WWTR1: variants seen among roughly 807,000 people sequenced by gnomAD.
WWTR1 encodes the protein WW domain-containing transcription regulator protein 1.
A neutral mutation model predicts 40.1 loss-of-function variants in WWTR1; 13 were observed. The ratio of observed to expected loss-of-function variants is 0.32; its 90% CI spans 0.21 to 0.52. The LOEUF is 0.52. Among genes scored for constraint, WWTR1 ranks in the 20% least tolerant of loss-of-function variants. The pLI, the probability that WWTR1 is intolerant of heterozygous loss-of-function variation, is 0.97. For synonymous variants in WWTR1, 230 were observed against 210.1 expected, an observed-to-expected ratio of 1.09 and a Z score of -0.82; for missense variants, 436 against 523.1, an observed-to-expected ratio of 0.83 and a Z score of 1.63.
intron 3 of WWTR1, among the ~76,000 whole-genome samples, chr3:149,557,960 G>A (rs184525321): frequency 2.8e-5 from 4 of 145,094 alleles, no homozygotes; most frequent in Admixed American, 1.4e-4. Flanking sequence ...CGGAGATCAC[G>A]CCATTGCACT....
chr3:149,549,431 G>A (rs1576552341), intron 3 of WWTR1, among the ~76,000 whole-genome samples: 1 of 152,138 alleles, frequency 6.6e-6, no homozygotes, highest in East Asian at 1.9e-4. Flanking sequence ...TCAATAGAAA[G>A]GCATCTTACA....
At chr3:149,631,631 C>T (rs1349957015) in intron 2 of WWTR1, among the ~76,000 whole-genome samples, 1 of 152,178 alleles carries the variant, frequency 6.6e-6, no homozygotes. Flanking sequence ...GCCTATCCCA[C>T]AAAGAATGAA....
intron 2 of WWTR1, among the ~76,000 whole-genome samples, chr3:149,668,613 A>AAAAAAAAAAAAAAAAC (rs548038608): frequency 1.4e-5 from 2 of 147,600 alleles, no homozygotes; most frequent in Non-Finnish European, 3.0e-5. Flanking sequence ...GTCTCAAAAA[A>AAAAAAAAAAAAAAAAC]AACAACAAAA....
intron 4 of WWTR1, among the ~76,000 whole-genome samples, chr3:149,535,840 C>T (rs533741110): frequency 8.5e-5 from 13 of 152,192 alleles, no homozygotes; most frequent in African/African-American, 2.9e-4. Context: ...TGGCAAAACC[C>T]CGTCTCTACT....
intron 4 of WWTR1, among the ~76,000 whole-genome samples, chr3:149,721,930 G>T (rs957262006): frequency 5.3e-5 from 8 of 152,102 alleles, no homozygotes; most frequent in Admixed American, 4.6e-4. Flanking sequence ...TTAGCTACAG[G>T]TTTATTCAGA....
chr3:149,631,959 C>T (rs1006358648), intron 2 of WWTR1, among the ~76,000 whole-genome samples: 1 of 152,138 alleles, frequency 6.6e-6, no homozygotes, highest in African/African-American at 2.4e-5. Context: ...CTCACTCTGT[C>T]ACCCAAGCTG....
chr3:149,554,995 C>T (rs1343830346), intron 3 of WWTR1, among the ~76,000 whole-genome samples: 1 of 152,156 alleles, frequency 6.6e-6, no homozygotes, highest in African/African-American at 2.4e-5. Context: ...AATAGGTATA[C>T]TTTTATCCAG....
At chr3:149,576,007 G>C in intron 2 of WWTR1, 2 of 456,704 alleles carry the variant, frequency 4.4e-6, no homozygotes, top group South Asian at 3.1e-5. Context: ...GTTCCCAGTG[G>C]ATTTGTTAAT....
chr3:149,648,142 A>G (rs911224885), intron 2 of WWTR1, among the ~76,000 whole-genome samples: 2 of 152,182 alleles, frequency 1.3e-5, no homozygotes, highest in East Asian at 3.8e-4. Flanking sequence ...CTGAACACCC[A>G]GCCTTCATTC....
At chr3:149,555,936 C>G (rs1736807742) in intron 3 of WWTR1, among the ~76,000 whole-genome samples, 1 of 152,200 alleles carries the variant, frequency 6.6e-6, no homozygotes, top group Non-Finnish European at 1.5e-5. Context: ...TAAGAAAGGC[C>G]TCTGTGAAGC....
intron 2 of WWTR1, among the ~76,000 whole-genome samples, chr3:149,586,058 AT>A (rs1310683392): frequency 7.2e-5 from 11 of 152,316 alleles, no homozygotes; most frequent in Admixed American, 4.6e-4. Flanking sequence ...GATTGATTTA[AT>A]TTTTTACTTA....
At chr3:149,654,966 A>C (rs931929579) in intron 2 of WWTR1, among the ~76,000 whole-genome samples, 1 of 151,430 alleles carries the variant, frequency 6.6e-6, no homozygotes, top group Non-Finnish European at 1.5e-5. Flanking sequence ...TACTAAAAAA[A>C]ATACAAAAAA....
intron 4 of WWTR1, among the ~76,000 whole-genome samples, chr3:149,722,235 A>G (rs1439034697): frequency 6.6e-6 from 1 of 151,280 alleles, no homozygotes; most frequent in Non-Finnish European, 1.5e-5. Flanking sequence ...TCTATTCTCT[A>G]TTTCATTTAT....
At chr3:149,564,116 T>C (rs893666209) in intron 3 of WWTR1, among the ~76,000 whole-genome samples, 4 of 152,214 alleles carry the variant, frequency 2.6e-5, no homozygotes, top group African/African-American at 9.7e-5. Context: ...ATCTGAGCAC[T>C]CGAAAACAGC....
chr3:149,580,734 T>A (rs1381801366), intron 2 of WWTR1, among the ~76,000 whole-genome samples: 1 of 152,222 alleles, frequency 6.6e-6, no homozygotes, highest in Non-Finnish European at 1.5e-5. Flanking sequence ...TCCTTTAGCC[T>A]CCCAAGTAGC....
intron 2 of WWTR1, among the ~76,000 whole-genome samples, chr3:149,622,493 G>A (rs1560089685): frequency 1.8e-4 from 24 of 132,584 alleles, no homozygotes; most frequent in African/African-American, 7.3e-4. Context: ...AAGGAAGGAA[G>A]GAAGGAAGGA....
At chr3:149,584,787 T>C in intron 2 of WWTR1, among the ~76,000 whole-genome samples, 1 of 152,184 alleles carries the variant, frequency 6.6e-6, no homozygotes, top group East Asian at 1.9e-4. Flanking sequence ...ACTAAGAGAC[T>C]ACTGTAAGTA....
At chr3:149,524,403 C>A (rs1383987008) in intron 6 of WWTR1, among the ~76,000 whole-genome samples, 1 of 133,766 alleles carries the variant, frequency 7.5e-6, no homozygotes, top group Non-Finnish European at 1.6e-5. Flanking sequence ...TGCTTTTTAT[C>A]CTTACTGGCT....
intron 3 of WWTR1, chr3:149,724,638 T>C (rs1428696616): frequency 6.6e-6 from 1 of 152,202 alleles, no homozygotes; most frequent in African/African-American, 2.4e-5. Flanking sequence ...CCTTGAAACC[T>C]TCCAAAGACC....
Sources: gnomAD v4.1 joint callset for allele counts (sites outside exome capture counted in the v4.1 genomes callset) on GRCh38, gnomAD v4.1.1 for gene constraint, MANE v1.5 for transcripts, NCBI Gene and HGNC (gene_info 2026-07-23, HGNC 2026-07-21) for gene names.